KIAA0513: variants seen among roughly 807,000 people sequenced by gnomAD.
KIAA0513 encodes the protein uncharacterized protein KIAA0513.
Under a neutral mutation model 56.5 loss-of-function variants are expected in KIAA0513, and 39 were observed. The ratio of observed to expected loss-of-function variants is 0.69; its 90% CI spans 0.53 to 0.90. The LOEUF is 0.90. Ranked by LOEUF, KIAA0513 falls within the 40% of genes least tolerant of loss-of-function variation. KIAA0513 has a pLI of 0.00. For synonymous variants in KIAA0513, 268 were observed against 215.6 expected, an observed-to-expected ratio of 1.24 and a Z score of -2.13; for missense variants, 591 against 535.2, an observed-to-expected ratio of 1.10 and a Z score of -1.03.
At chr16:85,082,439 C>G in intron 9 of KIAA0513, 125 bp from the exon 10 acceptor site, 3 of 881,928 alleles carry the variant, frequency 3.4e-6, no homozygotes, top group South Asian at 1.5e-5. Flanking sequence ...ATATTCCTGT[C>G]TTTCTCTGTC....
In KIAA0513 at chr16:85,090,415, G is replaced by A. The variant is rs2073856387; in HGVS notation, c.*2090G>A. ...TTACCCCTGTATGTACAGGATTTTT[G>A]TATGAAAGTTTTGTTTGATTCTGAG... On this transcript the variant is annotated 3_prime_UTR_variant, in exon 13 of 13. Coordinates refer to ENST00000683363, the MANE Select transcript of KIAA0513 (RefSeq NM_001388359.1). The A allele has an allele frequency of 6.6e-6, 1 of 152,178 alleles. No homozygotes were observed. Among genetic ancestry groups the A allele is most frequent in the South Asian group, 2.1e-4 (1 of 4,832 alleles). The allele number at this position is 152,178 out of a possible 1,614,324, so 9.4% of individuals were successfully genotyped here.
chr16:85,029,193 G>A (rs1597580768), intron 1 of KIAA0513, among the ~76,000 whole-genome samples: 1 of 152,118 alleles, frequency 6.6e-6, no homozygotes, highest in African/African-American at 2.4e-5. Flanking sequence ...AAATTGGCTC[G>A]CAATGAAAAA....
At position 85,077,694 on chromosome 16, in the gene KIAA0513, T is replaced by C. The variant is rs1254326350; in HGVS notation, c.782+62T>C. 3.8e-6 allele frequency: 5 copies of C among 1,300,420 alleles called. No individual in the cohort carries two copies. The African/African-American group carries it at 7.6e-5, about 20-fold the overall frequency. The allele number at this position is 1,300,420 out of a possible 1,614,324, so 80.6% of individuals were successfully genotyped here. A position where few individuals can be genotyped will look rare whatever the true frequency, so the allele number is the denominator to read the frequency against. ...GACTGGGGAGAGGCTGGTGTGGAGC[T>C]CGGACGGGGGCAGCAGGGAGGGTGC... On this transcript the variant is annotated intron_variant, in intron 6 of 12. Transcript: ENST00000683363.
chr16:85,052,259 G>A (rs904742255), intron 1 of KIAA0513, among the ~76,000 whole-genome samples: 10 of 152,096 alleles, frequency 6.6e-5, no homozygotes, highest in Non-Finnish European at 1.2e-4. Context: ...GGTGGAGGTT[G>A]CAGTGAGCTG....
At chr16:85,082,891 G>A (rs1375895744) in intron 10 of KIAA0513, among the ~76,000 whole-genome samples, 3 of 152,280 alleles carry the variant, frequency 2.0e-5, no homozygotes, top group South Asian at 2.1e-4. Context: ...AGCTCGAGAG[G>A]CAAAGGCGGT....
intron 1 of KIAA0513, among the ~76,000 whole-genome samples, chr16:85,046,985 A>G (rs189461465): frequency 1.1e-4 from 16 of 152,226 alleles, no homozygotes; most frequent in Admixed American, 8.5e-4. Context: ...CCTTCTTTGT[A>G]TGCTGAGTGG....
intron 1 of KIAA0513, among the ~76,000 whole-genome samples, chr16:85,035,050 G>A (rs2073016229): frequency 6.6e-6 from 1 of 152,164 alleles, no homozygotes; most frequent in African/African-American, 2.4e-5. Context: ...CCCAGGCCGA[G>A]CCGTCAGGTA....
At chr16:85,043,107 A>G (rs2073125367) in intron 1 of KIAA0513, among the ~76,000 whole-genome samples, 1 of 152,244 alleles carries the variant, frequency 6.6e-6, no homozygotes, top group South Asian at 2.1e-4. Context: ...ATACAATTTT[A>G]GACTAGCAGT....
rs2073745912 is a variant in KIAA0513 at position 85,081,649 on chromosome 16, T to C, written c.980+257T>C. ...GCCTGACCCTCCTAAAAATGCAAACTCCCACTAAGACCATCAGGACCCCTG... is the reference window on the plus strand; with the variant it reads ...GCCTGACCCTCCTAAAAATGCAAACCCCCACTAAGACCATCAGGACCCCTG... On this transcript the variant is annotated intron_variant, in intron 9 of 12. Transcript: ENST00000683363. This position sits in a 1 kb window ranked among gnomAD's most constrained non-coding sequence, Gnocchi z 4.4. Among the ~76,000 whole-genome samples, 1 of 151,964 alleles carries C rather than the reference T, an allele frequency of 6.6e-6. No homozygotes were observed. The highest frequency in any genetic ancestry group is 2.4e-5 in the African/African-American group (1 of 41,374).
At chr16:85,086,763 G>T (rs749073206) in intron 11 of KIAA0513, 39 bp downstream of exon 11, 1 of 1,554,718 alleles carries the variant, frequency 6.4e-7, no homozygotes, top group Non-Finnish European at 8.8e-7. Flanking sequence ...GGAGAGGGGG[G>T]AGGGCCCACC....
chr16:85,034,143 C>A (rs780260258), intron 1 of KIAA0513, among the ~76,000 whole-genome samples: 1 of 152,104 alleles, frequency 6.6e-6, no homozygotes. Flanking sequence ...CTTTGGGAGG[C>A]GGAGGCAGGT....
Position 85,081,981 on chromosome 16 carries a change from C to T in KIAA0513, c.981-583C>T, listed in dbSNP as rs1013466359. Among the ~76,000 whole-genome samples, 7 of 152,214 alleles carry T rather than the reference C, an allele frequency of 4.6e-5. No homozygotes were observed. Among genetic ancestry groups the T allele is most frequent in the African/African-American group, 9.6e-5 (4 of 41,452 alleles). On this transcript the variant is annotated intron_variant, in intron 9 of 12. Transcript: ENST00000683363. This position sits in a 1 kb window ranked among gnomAD's most constrained non-coding sequence, Gnocchi z 4.4. Reference sequence around the variant, plus strand: ...TGTGCAGCGACATGACAGCGAGGGACGGCAGCCCCTGGGGGAGCCCCTTCC... The same window carrying T: ...TGTGCAGCGACATGACAGCGAGGGATGGCAGCCCCTGGGGGAGCCCCTTCC...
In KIAA0513 at chr16:85,067,231, G is replaced by A. The variant is rs774476197; in HGVS notation, c.160G>A (p.Glu54Lys). ...ESETTESADS[E>K]NDMGESPSHP... ...TGAGACCACTGAGTCTGCGGACAGT[G>A]AGAATGACATGGGCGAGTCGCCCTC... is the stretch of plus-strand genomic sequence containing the variant. Residue 54 changes from glutamate to lysine, a missense_variant, in exon 2 of 13, where the codon GAG (glutamate) becomes AAG (lysine). Physicochemically the swap from Glu to Lys is moderately conservative, Grantham distance 56 (BLOSUM62 1). Transcript: ENST00000683363. 2 of 1,614,176 alleles carry A rather than the reference G, an allele frequency of 1.2e-6. No homozygotes were observed.
At chr16:85,079,881 G>C (rs968965610) in intron 8 of KIAA0513, 2 of 152,232 alleles carry the variant, frequency 1.3e-5, no homozygotes, top group African/African-American at 4.8e-5. Flanking sequence ...AATCTTGGCC[G>C]CCCTGGCATA....
intron 1 of KIAA0513, among the ~76,000 whole-genome samples, chr16:85,054,307 A>G (rs1056702681): frequency 6.6e-6 from 1 of 152,238 alleles, no homozygotes; most frequent in African/African-American, 2.4e-5. Context: ...AGAAAATATA[A>G]GCAAAATAAA....
In KIAA0513 at chr16:85,080,788, C is replaced by T. The variant is rs528981757; in HGVS notation, c.903-527C>T. 3.2e-3 allele frequency among the ~76,000 whole-genome samples: 492 copies of T among 152,234 alleles called. 3 individuals carry two copies. Among genetic ancestry groups the T allele is most frequent in the African/African-American group, 0.011 (475 of 41,534 alleles). ...AGCCTAGGCAACAAGAGTGAAACTC[C>T]ATCTCAAAAAAATAAATAAATAAAT... is the stretch of plus-strand genomic sequence containing the variant. On this transcript the variant is annotated intron_variant, in intron 8 of 12. Transcript: ENST00000683363.
intron 1 of KIAA0513, among the ~76,000 whole-genome samples, chr16:85,051,326 G>A (rs999434519): frequency 5.9e-5 from 9 of 152,092 alleles, no homozygotes; most frequent in African/African-American, 2.2e-4. Flanking sequence ...CTTCCCGGAG[G>A]TCATAAAATA....
At position 85,031,712 on chromosome 16, in the gene KIAA0513, T is replaced by C. The variant is rs141774232; in HGVS notation, c.-173+3854T>C. On this transcript the variant is annotated intron_variant, in intron 1 of 12. Transcript: ENST00000683363. ...GCCTGGGCTGTTCCTCCCCTTTCCA[T>C]GGCCAGCTTCCTGTCATTCAGGTCA... Among the ~76,000 whole-genome samples the C allele has an allele frequency of 1.8e-4, 28 of 152,348 alleles. No homozygotes were observed. The East Asian group carries it at 5.4e-3, about 29-fold the overall frequency.
At chr16:85,074,831 G>A (rs2073633567) in intron 4 of KIAA0513, among the ~76,000 whole-genome samples, 1 of 152,142 alleles carries the variant, frequency 6.6e-6, no homozygotes, top group Non-Finnish European at 1.5e-5. Flanking sequence ...TTTTCATGAA[G>A]TCCCATTTTG....
Sources: allele counts gnomAD v4.1 joint callset (sites outside exome capture counted in the v4.1 genomes callset), GRCh38; gene constraint gnomAD v4.1.1; non-coding constraint Gnocchi (gnomAD v3.1); transcripts MANE v1.5; gene names NCBI Gene and HGNC (gene_info 2026-07-23, HGNC 2026-07-21).